The following VASH1 variants were observed in gnomAD, a reference collection of about 807,000 sequenced individuals.
VASH1 encodes the protein tubulinyl-Tyr carboxypeptidase 1.
VASH1 carries 16 observed loss-of-function variants against 35.0 expected under a neutral mutation model. The ratio of observed to expected loss-of-function variants is 0.46; its 90% confidence interval spans 0.31 to 0.70. The LOEUF is 0.70. VASH1 is among the 30% of genes least tolerant of loss of function. The pLI is 0.05. For synonymous variants in VASH1, 214 were observed against 200.9 expected (o/e 1.07, Z -0.55); for missense variants, 505 against 510.7 (o/e 0.99, Z 0.11).
chr14:76,772,224 G>C (rs1461858052), intron 3 of VASH1, among the ~76,000 whole-genome samples: 1 of 152,048 alleles, frequency 6.6e-6, no homozygotes, highest in East Asian at 1.9e-4. Context: ...TGGGTGACAG[G>C]GCGAGACTCT....
chr14:76,773,259 C>T (rs748116377), intron 4 of VASH1, 48 bp downstream of exon 4: 1 of 1,592,102 alleles, frequency 6.3e-7, no homozygotes, highest in Admixed American at 1.7e-5. Flanking sequence ...CTCTGGGCCT[C>T]AGCTTCCTGC....
At chr14:76,773,067 C>T in intron 3 of VASH1, 70 bp from the exon 4 acceptor site, 1 of 1,500,378 alleles carries the variant, frequency 6.7e-7, no homozygotes, top group Non-Finnish European at 9.2e-7. Flanking sequence ...CCACCCTGCC[C>T]CCTCCTTCTC....
intron 4 of VASH1, 197 bp downstream of exon 4, chr14:76,773,408 C>T (rs2140182576): frequency 1.7e-6 from 1 of 581,694 alleles, no homozygotes; most frequent in South Asian, 2.3e-5. Flanking sequence ...GGTCCCAGTA[C>T]CCCACATCTC....
intron 2 of VASH1, 86 bp from the exon 3 acceptor site, chr14:76,771,104 C>T (rs1157631373): frequency 1.2e-5 from 16 of 1,284,430 alleles, no homozygotes; most frequent in African/African-American, 3.1e-5. Flanking sequence ...CTCCAGGAGA[C>T]TTGGCTCTTG....
At position 76,781,025 on chromosome 14, in the gene VASH1, T is replaced by G. The variant is rs1324289841; in HGVS notation, c.*2007T>G. On this transcript the variant is annotated 3_prime_UTR_variant, in exon 7 of 7. Coordinates refer to ENST00000167106, the MANE Select transcript of VASH1 (RefSeq NM_014909.5). ...GCGCATGGAGTACAGACAGTGTAGC[T>G]CTTGGCCTGCCAGGGAGACGGATGG... The G allele has an allele frequency of 6.6e-6, 1 of 152,320 alleles. No individual in the cohort carries two copies. The highest frequency in any genetic ancestry group is 1.9e-4 in the East Asian group (1 of 5,190). 9.4% of individuals were successfully genotyped at this position (152,320 alleles called of 1,614,324 possible). A position where few individuals can be genotyped will look rare whatever the true frequency, so the allele number is the denominator to read the frequency against.
intron 5 of VASH1, 21 bp downstream of exon 5, chr14:76,776,294 C>G (rs1566686992): frequency 1.4e-6 from 2 of 1,473,286 alleles, no homozygotes; most frequent in African/African-American, 2.7e-5. Flanking sequence ...CTTCCACGCC[C>G]TCGCCCCCTC....
rs529989063 is a variant in VASH1, at chr14:76,765,630, G to A, written c.309+2500G>A. Among the ~76,000 whole-genome samples, 21 of 152,310 alleles carry A rather than the reference G, an allele frequency of 1.4e-4. No individual in the cohort carries two copies. In the South Asian group the frequency reaches 1.9e-3, roughly 14 times the overall value. On this transcript the variant is annotated intron_variant, in intron 1 of 6. Transcript: ENST00000167106. ...CTGGCACAGGGTCATTCCCTACAGC[G>A]GCCACACAGTGTGGGGCTCAAGAAG... is the stretch of plus-strand genomic sequence containing the variant.
intron 4 of VASH1, among the ~76,000 whole-genome samples, chr14:76,775,643 G>T (rs1265282163): frequency 1.3e-5 from 2 of 152,182 alleles, no homozygotes; most frequent in Non-Finnish European, 2.9e-5. Flanking sequence ...CTTCAGAGCG[G>T]TGGCCACAAA....
chr14:76,767,296 C>G (rs1893670030), intron 1 of VASH1, among the ~76,000 whole-genome samples: 1 of 136,296 alleles, frequency 7.3e-6, no homozygotes, highest in African/African-American at 2.6e-5. Flanking sequence ...AAAGTCACGA[C>G]TGTAAATGGC....
intron 3 of VASH1, among the ~76,000 whole-genome samples, chr14:76,772,786 G>A (rs758041909): frequency 2.6e-5 from 4 of 152,192 alleles, no homozygotes; most frequent in Non-Finnish European, 4.4e-5. Flanking sequence ...CGACTGCCTC[G>A]CAGAAGGCCC....
rs998884461 is a variant in VASH1 at position 76,762,058 on chromosome 14, G to C, written c.-764G>C. The stretch of plus-strand genomic sequence containing the variant: ...CTCGCAGCCTTCGCCTCCCCGCCGC[G>C]CCCGCTCCCTTTCTGGGGACTCCGC... On this transcript the variant is annotated 5_prime_UTR_variant, in exon 1 of 7. Transcript: ENST00000167106. The C allele has an allele frequency of 1.3e-5, 2 of 152,502 alleles. No homozygotes were observed. Among genetic ancestry groups the C allele is most frequent in the Non-Finnish European group, 2.9e-5 (2 of 68,314 alleles). The allele number at this position is 152,502 out of a possible 1,614,324, so 9.4% of individuals were successfully genotyped here. A position where few individuals can be genotyped will look rare whatever the true frequency, so the allele number is the denominator to read the frequency against.
chr14:76,771,394 C>A, intron 3 of VASH1, 148 bp downstream of exon 3: 2 of 634,794 alleles, frequency 3.2e-6, no homozygotes, highest in Non-Finnish European at 2.4e-6. Flanking sequence ...CACCCTGGGG[C>A]CTTATGGATG....
intron 1 of VASH1, among the ~76,000 whole-genome samples, chr14:76,766,094 T>TG (rs1235452190): frequency 6.6e-6 from 1 of 152,234 alleles, no homozygotes; most frequent in Non-Finnish European, 1.5e-5. Flanking sequence ...AAGCATGTGA[T>TG]GCTTCATTAA....
chr14:76,769,198 G>A, intron 1 of VASH1: 1 of 1,148,246 alleles, frequency 8.7e-7, no homozygotes, highest in Middle Eastern at 2.8e-4. Flanking sequence ...AACACTGCCT[G>A]TTCTCTCCTC....
In VASH1 at chr14:76,762,982, G is replaced by A. The variant is rs931725174; in HGVS notation, c.161G>A (p.Arg54Gln). The change falls in exon 1 of 7, where the codon CGA becomes CAA. Residue 54 changes from arginine (R) to glutamine (Q), a missense_variant. Physicochemically the swap from Arg to Gln is conservative, Grantham distance 43. Coordinates refer to ENST00000167106, the MANE Select transcript of VASH1 (RefSeq NM_014909.5). The part of the protein sequence containing the change: ...EPEEEGEEDL[R>Q]DGGVPFFVNR... ...GAAGAGGAAGGGGAAGAGGACCTGC[G>A]AGACGGAGGCGTCCCCTTCTTTGTC... 9.7e-6 allele frequency: 15 copies of A among 1,552,044 alleles called. No individual in the cohort carries two copies. Among genetic ancestry groups the A allele is most frequent in the South Asian group, 1.2e-5 (1 of 83,176 alleles).
chr14:76,779,091 A>G lies in VASH1; in HGVS notation c.*73A>G, dbSNP rs1894029313. 3.9e-6 allele frequency: 6 copies of G among 1,520,780 alleles called. No homozygotes were observed. The highest frequency in any genetic ancestry group is 1.7e-5 in the Admixed American group (1 of 59,862). 94.2% of individuals were successfully genotyped at this position (1,520,780 alleles called of 1,614,324 possible). ...CCACCTGCTGGAACCAGCCTTATGC[A>G]TGGGGAAGGCGGGGCTGGTGACAAG... On this transcript the variant is annotated 3_prime_UTR_variant, in exon 7 of 7. Transcript: ENST00000167106.
rs899897003 is a variant in VASH1 at position 76,761,545 on chromosome 14, G to C, written c.-1277G>C. 6.6e-6 allele frequency among the ~76,000 whole-genome samples: 1 copy of C among 152,034 alleles called. No individual in the cohort carries two copies. The highest frequency in any genetic ancestry group is 1.5e-5 in the Non-Finnish European group (1 of 67,976). ...CGGCAGCGGGGCCCAGGGGCGGCGG[G>C]GCTGCAGCAGCGGCGGCCCCAGCTT... is the stretch of plus-strand genomic sequence containing the variant. On this transcript the variant is annotated 5_prime_UTR_variant, in exon 1 of 7. Transcript: ENST00000167106.
In VASH1 at chr14:76,762,841, T is replaced by C; in HGVS notation, c.20T>C (p.Val7Ala). The C allele has an allele frequency of 6.7e-7, 1 of 1,495,542 alleles. No individual in the cohort carries two copies. The highest frequency in any genetic ancestry group is 8.9e-7 in the Non-Finnish European group (1 of 1,122,482). The allele number at this position is 1,495,542 out of a possible 1,614,324, so 92.6% of individuals were successfully genotyped here. A position where few individuals can be genotyped will look rare whatever the true frequency, so the allele number is the denominator to read the frequency against. The change falls in exon 1 of 7, where the codon GTG becomes GCG. Residue 7 changes from valine to alanine, a missense_variant. Val to Ala is a moderately conservative substitution (Grantham distance 64). Coordinates refer to ENST00000167106, the MANE Select transcript of VASH1 (RefSeq NM_014909.5). MPGGKKVAGGGSSGATP... is the reference protein window; with the variant it reads MPGGKKAAGGGSSGATP... ...TTAGGGATGCCAGGGGGGAAGAAGGTGGCTGGGGGTGGCAGCAGCGGTGCC... is the reference window on the plus strand; with the variant it reads ...TTAGGGATGCCAGGGGGGAAGAAGGCGGCTGGGGGTGGCAGCAGCGGTGCC...
At chr14:76,765,850 C>G (rs1446401122) in intron 1 of VASH1, among the ~76,000 whole-genome samples, 1 of 152,180 alleles carries the variant, frequency 6.6e-6, no homozygotes, top group Non-Finnish European at 1.5e-5. Flanking sequence ...CCTGCCTGCC[C>G]CGTGTATGTT....
Sources: gnomAD v4.1 joint callset for allele counts (sites outside exome capture counted in the v4.1 genomes callset) on GRCh38, gnomAD v4.1.1 for gene constraint, MANE v1.5 for transcripts, NCBI Gene and HGNC (gene_info 2026-07-23, HGNC 2026-07-21) for gene names.